Variants in TCF12 observed in about 807,000 individuals in gnomAD.
TCF12 encodes transcription factor 12.
A neutral mutation model predicts 86.0 loss-of-function variants in TCF12; 45 were observed. The observed-to-expected ratio is 0.52, with a 90% CI of 0.41 to 0.67. The LOEUF (loss-of-function observed/expected upper bound fraction) is 0.67. Among genes scored for constraint, TCF12 ranks in the 30% least tolerant of loss-of-function variants. TCF12 has a pLI of 0.00. For missense variants in TCF12, 881 were observed against 859.9 expected (o/e 1.02, Z -0.31); for synonymous variants, 330 against 299.6 (o/e 1.10, Z -1.05).
At chr15:57,197,128 A>G (rs1172500735) in intron 7 of TCF12, among the ~76,000 whole-genome samples, 1 of 144,912 alleles carries the variant, frequency 6.9e-6, no homozygotes, top group Non-Finnish European at 1.5e-5. Flanking sequence ...AGTACCTAGT[A>G]TAGTACCTGG....
intron 3 of TCF12, among the ~76,000 whole-genome samples, chr15:57,019,881 A>C (rs1221868384): frequency 6.6e-6 from 1 of 151,938 alleles, no homozygotes; most frequent in Non-Finnish European, 1.5e-5. Flanking sequence ...GTGACCTTTC[A>C]TTAATTTTCA....
In TCF12 at chr15:56,977,190, C is replaced by T. The variant is rs896879170; in HGVS notation, c.148+56092C>T. On this transcript the variant is annotated intron_variant, in intron 3 of 20. Transcript: ENST00000333725. ...ACAGAAGTTCAAAATCAAGATGTTG[C>T]AAGGTACTGGCAGGACATATGGGGG... 2.0e-5 allele frequency among the ~76,000 whole-genome samples: 3 copies of T among 152,168 alleles called. No individual in the cohort carries two copies. The East Asian group carries it at 5.8e-4, about 29-fold the overall frequency.
chr15:56,955,023 C>A (rs1045033877), intron 3 of TCF12, among the ~76,000 whole-genome samples: 1 of 152,182 alleles, frequency 6.6e-6, no homozygotes, highest in African/African-American at 2.4e-5. Flanking sequence ...ACTAGAAATA[C>A]CGTATGACCC....
chr15:57,112,979 T>C (rs1301380466), intron 5 of TCF12, among the ~76,000 whole-genome samples: 1 of 152,238 alleles, frequency 6.6e-6, no homozygotes, highest in Non-Finnish European at 1.5e-5. Context: ...AATTAAGAAT[T>C]CTGCTTTTTC....
chr15:57,157,197 A>G (rs1444737451), intron 5 of TCF12, among the ~76,000 whole-genome samples: 3 of 152,148 alleles, frequency 2.0e-5, no homozygotes, highest in East Asian at 3.8e-4. Flanking sequence ...ATTATTTTAA[A>G]TCGTTTTTTA....
intron 5 of TCF12, among the ~76,000 whole-genome samples, chr15:57,134,135 T>A (rs961753750): frequency 1.3e-5 from 2 of 152,224 alleles, no homozygotes; most frequent in Admixed American, 1.3e-4. Flanking sequence ...TCTATAGTTA[T>A]ATTGGGCGGT....
Position 56,949,489 on chromosome 15 carries a change from T to C in TCF12, c.148+28391T>C, listed in dbSNP as rs529880776. Among the ~76,000 whole-genome samples the C allele has an allele frequency of 5.9e-5, 9 of 152,376 alleles. No homozygotes were observed. The South Asian group carries it at 1.9e-3, about 32-fold the overall frequency. The stretch of plus-strand genomic sequence containing the variant: ...CAGTTATGTATGAATTAAAAGCATT[T>C]CCTTTAGGCAAGGATGATTTAGTAG... On this transcript the variant is annotated intron_variant, in intron 3 of 20. Coordinates refer to ENST00000333725, the MANE Select transcript of TCF12 (RefSeq NM_207037.2).
chr15:57,146,848 A>T (rs778550514), intron 5 of TCF12, among the ~76,000 whole-genome samples: 5 of 152,196 alleles, frequency 3.3e-5, no homozygotes, highest in Non-Finnish European at 7.3e-5. Context: ...AGATGGTGTA[A>T]CACACTGTTA....
At chr15:57,070,822 T>TGGAG (rs1425829095) in intron 4 of TCF12, among the ~76,000 whole-genome samples, 4 of 152,176 alleles carry the variant, frequency 2.6e-5, no homozygotes, top group Non-Finnish European at 5.9e-5. Flanking sequence ...TCATACTGGC[T>TGGAG]GGAGGTGTAG....
At chr15:56,927,850 AT>A (rs1467688555) in intron 3 of TCF12, among the ~76,000 whole-genome samples, 1 of 152,212 alleles carries the variant, frequency 6.6e-6, no homozygotes, top group Non-Finnish European at 1.5e-5. Flanking sequence ...ACTTTGGTTG[AT>A]TATTTAATGT....
intron 3 of TCF12, among the ~76,000 whole-genome samples, chr15:57,027,252 G>C (rs1217430231): frequency 6.6e-6 from 1 of 152,104 alleles, no homozygotes; most frequent in Non-Finnish European, 1.5e-5. Flanking sequence ...TCTTGGAACG[G>C]GTCATCAGAT....
intron 5 of TCF12, among the ~76,000 whole-genome samples, chr15:57,142,789 A>C (rs1216868169): frequency 6.6e-6 from 1 of 152,164 alleles, no homozygotes; most frequent in African/African-American, 2.4e-5. Context: ...TGTGCCACCT[A>C]ACAGAGTGCA....
rs1026042735 is a variant in TCF12 at position 57,000,018 on chromosome 15, T to C, written c.149-63732T>C. ...GCCTGGCCTAAATTTCATTTCTTAA[T>C]CAAATGCTAAACTTTCTCATTTTTC... On this transcript the variant is annotated intron_variant, in intron 3 of 20. Transcript: ENST00000333725. 2.0e-5 allele frequency among the ~76,000 whole-genome samples: 3 copies of C among 152,198 alleles called. No homozygotes were observed. The South Asian group carries it at 6.2e-4, about 32-fold the overall frequency.
intron 4 of TCF12, among the ~76,000 whole-genome samples, chr15:57,084,729 A>T (rs2048517061): frequency 6.6e-6 from 1 of 152,148 alleles, no homozygotes; most frequent in Non-Finnish European, 1.5e-5. Flanking sequence ...TACTTCTTGG[A>T]AATAAACTAA....
chr15:57,109,542 A>G (rs1461093288), intron 5 of TCF12, among the ~76,000 whole-genome samples: 1 of 152,100 alleles, frequency 6.6e-6, no homozygotes, highest in East Asian at 1.9e-4. Flanking sequence ...TCTTAATATC[A>G]GAGATTTTAA....
chr15:57,097,443 C>G (rs887611193), intron 5 of TCF12, among the ~76,000 whole-genome samples: 1 of 151,800 alleles, frequency 6.6e-6, no homozygotes, highest in South Asian at 2.1e-4. Context: ...AGGGAGGATT[C>G]CTTGAGCTGG....
intron 9 of TCF12, 49 bp from the exon 10 acceptor site, chr15:57,232,242 A>T: frequency 1.2e-6 from 2 of 1,606,894 alleles, no homozygotes; most frequent in Admixed American, 1.7e-5. Context: ...ATCAAAATAC[A>T]AGAAAATTTT....
chr15:57,204,647 C>T (rs2057721211), intron 8 of TCF12, among the ~76,000 whole-genome samples: 1 of 151,944 alleles, frequency 6.6e-6, no homozygotes. Context: ...ATTCCCAAAC[C>T]ATAAAGACTG....
intron 3 of TCF12, among the ~76,000 whole-genome samples, chr15:56,927,383 A>T (rs965752433): frequency 3.9e-5 from 6 of 152,178 alleles, no homozygotes; most frequent in Admixed American, 3.3e-4. Context: ...GAGAAAATTG[A>T]TTTATTTCCT....
Sources: allele counts gnomAD v4.1 joint callset (sites outside exome capture counted in the v4.1 genomes callset), GRCh38; gene constraint gnomAD v4.1.1; transcripts MANE v1.5; gene names NCBI Gene and HGNC (gene_info 2026-07-23, HGNC 2026-07-21).